MACROD2: variants seen among roughly 807,000 people sequenced by gnomAD.
The protein encoded by MACROD2 is ADP-ribose glycohydrolase MACROD2.
MACROD2 carries 36 observed loss-of-function variants against 70.4 expected under a neutral mutation model. That is an observed-to-expected ratio of 0.51 (90% confidence interval 0.39 to 0.68). The LOEUF (loss-of-function observed/expected upper bound fraction) is 0.68. Ranked by LOEUF, MACROD2 falls within the 30% of genes least tolerant of loss-of-function variation. The pLI, the probability that MACROD2 is intolerant of heterozygous loss-of-function variation, is 0.00. For synonymous variants in MACROD2, 172 were observed against 178.8 expected (o/e 0.96, Z 0.30); for missense variants, 496 against 538.4 (o/e 0.92, Z 0.78).
intron 3 of MACROD2, among the ~76,000 whole-genome samples, chr20:14,386,182 C>T (rs1372990315): frequency 6.6e-6 from 1 of 152,148 alleles, no homozygotes. Context: ...CACCCAAGAA[C>T]ATATTTTTAG....
intron 5 of MACROD2, among the ~76,000 whole-genome samples, chr20:15,200,151 C>G (rs2076643225): frequency 1.3e-5 from 2 of 152,176 alleles, no homozygotes; most frequent in African/African-American, 4.8e-5. Flanking sequence ...CTTGTTTCAT[C>G]AGCATACTGG....
intron 3 of MACROD2, among the ~76,000 whole-genome samples, chr20:14,481,367 T>C (rs956912605): frequency 2.6e-5 from 4 of 152,186 alleles, no homozygotes; most frequent in East Asian, 1.9e-4. Flanking sequence ...TATCAGGATA[T>C]TAAATGTAAT....
chr20:14,515,465 GCACACACACACA>G (rs11467236), intron 4 of MACROD2, among the ~76,000 whole-genome samples: 1 of 127,066 alleles, frequency 7.9e-6, no homozygotes, highest in Non-Finnish European at 1.7e-5. Context: ...ACACACACAC[GCACACACACACA>G]CACACACACA....
At chr20:15,168,020 A>G (rs2076397233) in intron 5 of MACROD2, among the ~76,000 whole-genome samples, 1 of 152,208 alleles carries the variant, frequency 6.6e-6, no homozygotes, top group East Asian at 1.9e-4. Context: ...TCATAAAACA[A>G]AAGTAGAAAT....
chr20:14,545,795 T>A (rs2085485334), intron 4 of MACROD2, among the ~76,000 whole-genome samples: 1 of 152,186 alleles, frequency 6.6e-6, no homozygotes, highest in Non-Finnish European at 1.5e-5. Context: ...AACTATTATC[T>A]CTGGGAAGCA....
chr20:15,185,047 T>C (rs2076525423), intron 5 of MACROD2, among the ~76,000 whole-genome samples: 1 of 152,150 alleles, frequency 6.6e-6, no homozygotes, highest in Admixed American at 6.5e-5. Context: ...TTTAACCATG[T>C]GGAGCTTGAC....
chr20:14,605,553 G>C (rs1176497738), intron 4 of MACROD2, among the ~76,000 whole-genome samples: 1 of 152,098 alleles, frequency 6.6e-6, no homozygotes, highest in African/African-American at 2.4e-5. Context: ...GGGCAACAAA[G>C]TTCAACCCAC....
In MACROD2 at chr20:15,456,826, T is replaced by C. The variant is rs147041462; in HGVS notation, c.571+25391T>C. Among the ~76,000 whole-genome samples the C allele has an allele frequency of 3.1e-3, 469 of 152,220 alleles. 3 individuals are homozygous for C. Among genetic ancestry groups the C allele is most frequent in the African/African-American group, 0.01 (434 of 41,522 alleles). On this transcript the variant is annotated intron_variant, in intron 7 of 17. Coordinates refer to ENST00000684519, the MANE Select transcript of MACROD2 (RefSeq NM_001351661.2). ...TCGTGACCTAGACATAGGATTTGTATTGTCTCCCGGCATATTCTAATGTAC... is the reference window on the plus strand; with the variant it reads ...TCGTGACCTAGACATAGGATTTGTACTGTCTCCCGGCATATTCTAATGTAC...
At chr20:15,451,023 G>A (rs1384044084) in intron 7 of MACROD2, among the ~76,000 whole-genome samples, 1 of 152,040 alleles carries the variant, frequency 6.6e-6, no homozygotes, top group African/African-American at 2.4e-5. Context: ...TATTCCTTTG[G>A]GACATTGTTA....
chr20:14,398,773 T>C (rs1280463618), intron 3 of MACROD2, among the ~76,000 whole-genome samples: 1 of 152,164 alleles, frequency 6.6e-6, no homozygotes, highest in African/African-American at 2.4e-5. Context: ...CTTTTAAAGG[T>C]ATTTCAAAAA....
intron 4 of MACROD2, among the ~76,000 whole-genome samples, chr20:14,563,964 T>A (rs1979609491): frequency 6.6e-6 from 1 of 151,914 alleles, no homozygotes; most frequent in Non-Finnish European, 1.5e-5. Flanking sequence ...CAAGGTATAG[T>A]ACCCAAAACA....
At chr20:15,406,516 T>C (rs2046003797) in intron 6 of MACROD2, among the ~76,000 whole-genome samples, 1 of 152,232 alleles carries the variant, frequency 6.6e-6, no homozygotes, top group African/African-American at 2.4e-5. Flanking sequence ...ACCGAAGAAA[T>C]GTTATCTTAC....
At chr20:15,615,488 G>C (rs2049024676) in intron 8 of MACROD2, among the ~76,000 whole-genome samples, 1 of 152,140 alleles carries the variant, frequency 6.6e-6, no homozygotes, top group Non-Finnish European at 1.5e-5. Context: ...AGCTGAGAGA[G>C]GGACTCCCGT....
At chr20:14,272,689 C>T (rs1021245482) in intron 3 of MACROD2, among the ~76,000 whole-genome samples, 4 of 151,228 alleles carry the variant, frequency 2.6e-5, no homozygotes, top group African/African-American at 9.7e-5. Context: ...AATTAAAAGA[C>T]ACAGACTGGC....
chr20:14,926,998 A>C (rs569239831), intron 5 of MACROD2, among the ~76,000 whole-genome samples: 1 of 152,284 alleles, frequency 6.6e-6, no homozygotes, highest in African/African-American at 2.4e-5. Flanking sequence ...CCTTATTGTC[A>C]GTTCATCCTT....
At chr20:14,071,869 A>G (rs963588206) in intron 2 of MACROD2, among the ~76,000 whole-genome samples, 3 of 152,098 alleles carry the variant, frequency 2.0e-5, no homozygotes, top group African/African-American at 7.2e-5. Context: ...CAGGAGTTCA[A>G]GACCAGCCTG....
chr20:14,600,928 T>C (rs74807485), intron 4 of MACROD2, among the ~76,000 whole-genome samples: 4,294 of 152,252 alleles, frequency 0.028, 205 homozygotes, highest in African/African-American at 0.098. Flanking sequence ...GAAAATTCCA[T>C]GGCATAGAGA....
At chr20:14,432,706 GTC>G (rs2084008454) in intron 3 of MACROD2, among the ~76,000 whole-genome samples, 1 of 152,068 alleles carries the variant, frequency 6.6e-6, no homozygotes, top group Non-Finnish European at 1.5e-5. Context: ...CCTTTTCAGA[GTC>G]TGTCATCTGT....
intron 3 of MACROD2, among the ~76,000 whole-genome samples, chr20:14,431,989 GCTGA>G (rs1411669520): frequency 3.9e-5 from 6 of 152,172 alleles, no homozygotes; most frequent in Non-Finnish European, 7.4e-5. Flanking sequence ...ATCCAGCCAT[GCTGA>G]CTATCTGTTG....
Sources: allele counts gnomAD v4.1 joint callset (sites outside exome capture counted in the v4.1 genomes callset), GRCh38; gene constraint gnomAD v4.1.1; transcripts MANE v1.5; gene names NCBI Gene and HGNC (gene_info 2026-07-23, HGNC 2026-07-21).